Variants in UGT1A8 observed in about 807,000 individuals in gnomAD.
UGT1A8 encodes UDP glucuronosyltransferase family 1 member A8.
In UGT1A8, 39 loss-of-function variants were observed where a neutral mutation model predicts 45.3. The ratio of observed to expected loss-of-function variants is 0.86; its 90% CI spans 0.67 to 1.12. The LOEUF is 1.12. Ranked by LOEUF, UGT1A8 falls within the 50% of genes most tolerant of loss-of-function variation. The probability of loss-of-function intolerance (pLI) is 0.00; values close to 1 mark genes in which losing one functional copy is unlikely to be tolerated. For missense variants in UGT1A8, 719 were observed against 664.9 expected (o/e 1.08, Z -0.90); for synonymous variants, 275 against 249.2 (o/e 1.10, Z -0.97).
chr2:233,764,438 T>C (rs1160972363), intron 1 of UGT1A8, among the ~76,000 whole-genome samples: 2 of 152,224 alleles, frequency 1.3e-5, no homozygotes, highest in Non-Finnish European at 2.9e-5. Context: ...GATGAACTTT[T>C]GTGCCATTTA....
At chr2:233,668,947 G>T (rs1188654239) in intron 1 of UGT1A8, among the ~76,000 whole-genome samples, 1 of 152,206 alleles carries the variant, frequency 6.6e-6, no homozygotes, top group African/African-American at 2.4e-5. Context: ...GAGCAATTCT[G>T]GTGAGGTATT....
At position 233,638,796 on chromosome 2, in the gene UGT1A8, T is replaced by C. The variant is rs28969687; in HGVS notation, c.855+20234T>C. Among the ~76,000 whole-genome samples, 479 of 152,332 alleles carry C rather than the reference T, an allele frequency of 3.1e-3. 3 individuals are homozygous for C. The highest frequency in any genetic ancestry group is 0.011 in the African/African-American group (454 of 41,574). On this transcript the variant is annotated intron_variant, in intron 1 of 4. Coordinates refer to ENST00000373450, the MANE Select transcript of UGT1A8 (RefSeq NM_019076.5). Reference sequence around the variant, plus strand: ...AAAGAGTGACCGTTCAGCCATCTCATAGGAAAGTGAAATAATGCTCTTTCT... The same window carrying C: ...AAAGAGTGACCGTTCAGCCATCTCACAGGAAAGTGAAATAATGCTCTTTCT...
At chr2:233,742,666 A>G (rs1212391572) in intron 1 of UGT1A8, 1 of 152,150 alleles carries the variant, frequency 6.6e-6, no homozygotes, top group African/African-American at 2.4e-5. Context: ...TGTAACCCCA[A>G]GGTTTGTCCT....
intron 1 of UGT1A8, among the ~76,000 whole-genome samples, chr2:233,662,961 A>G (rs1289384367): frequency 2.0e-5 from 3 of 151,862 alleles, no homozygotes; most frequent in Non-Finnish European, 2.9e-5. Context: ...TATTTATTTT[A>G]TCATTAATTA....
At position 233,769,446 on chromosome 2, in the gene UGT1A8, C is replaced by T. The variant is rs1239046634; in HGVS notation, c.1295+1007C>T. 4 of 1,588,334 alleles carry T rather than the reference C, an allele frequency of 2.5e-6. No homozygotes were observed. The highest frequency in any genetic ancestry group is 3.4e-6 in the Non-Finnish European group (4 of 1,161,110). On this transcript the variant is annotated intron_variant, in intron 4 of 4. Coordinates refer to ENST00000373450, the MANE Select transcript of UGT1A8 (RefSeq NM_019076.5). This position sits in a 1 kb window ranked among gnomAD's most constrained non-coding sequence, Gnocchi z 4.4. ...GTGGCTGTGCTCATGTGTGGGTGCA[C>T]ACGTGTGCATTCATATGCGTGTGTG...
Position 233,638,136 on chromosome 2 carries a change from A to G in UGT1A8, c.855+19574A>G, listed in dbSNP as rs576008074. ...GTTTTCCTGAATTGAGAAGACTGGC[A>G]TCTTTTTGCTATTAAGTCTTCCTGT... On this transcript the variant is annotated intron_variant, in intron 1 of 4. Coordinates refer to ENST00000373450, the MANE Select transcript of UGT1A8 (RefSeq NM_019076.5). Among the ~76,000 whole-genome samples, 6 of 152,298 alleles carry G rather than the reference A, an allele frequency of 3.9e-5. No individual in the cohort carries two copies. The South Asian group carries it at 8.3e-4, about 21-fold the overall frequency.
chr2:233,719,330 G>GT, intron 1 of UGT1A8: 2 of 1,613,866 alleles, frequency 1.2e-6, no homozygotes, highest in Non-Finnish European at 8.5e-7. Context: ...TTCCTGCTGT[G>GT]TTTTTTTGGA....
chr2:233,702,653 G>A (rs746758622), intron 1 of UGT1A8, among the ~76,000 whole-genome samples: 35 of 152,040 alleles, frequency 2.3e-4, no homozygotes, highest in Non-Finnish European at 4.7e-4. Flanking sequence ...TTCCTAGCTC[G>A]TTGAGTATTC....
chr2:233,666,805 C>G (rs1018933602), intron 1 of UGT1A8, among the ~76,000 whole-genome samples: 1 of 140,608 alleles, frequency 7.1e-6, no homozygotes, highest in Admixed American at 7.2e-5. Flanking sequence ...CCCCCTCCCC[C>G]AATCCCACAA....
intron 1 of UGT1A8, chr2:233,718,043 G>A (rs1022101837): frequency 1.5e-4 from 57 of 375,810 alleles, no homozygotes; most frequent in Non-Finnish European, 6.8e-5. Context: ...GTGAGCAGGA[G>A]CTCCCTGAAC....
intron 1 of UGT1A8, among the ~76,000 whole-genome samples, chr2:233,738,716 A>T (rs1342041986): frequency 6.6e-6 from 1 of 152,244 alleles, no homozygotes; most frequent in Non-Finnish European, 1.5e-5. Flanking sequence ...AGAGCATAAA[A>T]GTTTGGAAAA....
Position 233,643,756 on chromosome 2 carries a change from A to G in UGT1A8, c.855+25194A>G, listed in dbSNP as rs577759169. On this transcript the variant is annotated intron_variant, in intron 1 of 4. Transcript: ENST00000373450. ...TTCAGGTTCCAAGGTCTCTTCAGTTAGCAGGCGATGAACGCTGGCAGGACT... is the reference window on the plus strand; with the variant it reads ...TTCAGGTTCCAAGGTCTCTTCAGTTGGCAGGCGATGAACGCTGGCAGGACT... Among the ~76,000 whole-genome samples, 41 of 152,268 alleles carry G rather than the reference A, an allele frequency of 2.7e-4. No individual in the cohort carries two copies. In the South Asian group the frequency reaches 7.7e-3, roughly 28 times the overall value.
chr2:233,728,302 T>C (rs2077696881), intron 1 of UGT1A8, among the ~76,000 whole-genome samples: 1 of 152,178 alleles, frequency 6.6e-6, no homozygotes, highest in Non-Finnish European at 1.5e-5. Context: ...ATTCAGACTG[T>C]GCAAGATCTG....
Position 233,757,535 on chromosome 2 carries a change from A to AATATATATATATATATATATATAT in UGT1A8, c.856-9496_856-9473dup, listed in dbSNP as rs67292694. On this transcript the variant is annotated intron_variant, in intron 1 of 4. Transcript: ENST00000373450. ...CAAAGCCAAAATCTTGCCTGTAAGG[A>AATATATATATATATATATATATAT]ATATATATATATATATATATATATA... Among the ~76,000 whole-genome samples the AATATATATATATATATATATATAT allele has an allele frequency of 1.4e-3, 127 of 88,238 alleles. 1 individual carries two copies. The highest frequency in any genetic ancestry group is 9.2e-3 in the East Asian group (33 of 3,584). The allele number at this position is 88,238 out of a possible 152,430, so 57.9% of individuals were successfully genotyped here.
Position 233,768,558 on chromosome 2 carries a change from T to C in UGT1A8, c.1295+119T>C. On this transcript the variant is annotated intron_variant, in intron 4 of 4. Transcript: ENST00000373450. ...TGTTTCAAATATAAAAACAAATACA[T>C]AAAAATCTGGATTTTTATTTCTTCT... 3.4e-6 allele frequency: 4 copies of C among 1,184,218 alleles called. No individual in the cohort carries two copies. In the South Asian group the frequency reaches 4.4e-5, roughly 13 times the overall value. The allele number at this position is 1,184,218 out of a possible 1,614,324, so 73.4% of individuals were successfully genotyped here.
chr2:233,767,172 A>G lies in UGT1A8; in HGVS notation c.987+7A>G, dbSNP rs375883067. On this transcript the variant is annotated splice_region_variant and intron_variant, in intron 2 of 4. Coordinates refer to ENST00000373450, the MANE Select transcript of UGT1A8 (RefSeq NM_019076.5). The stretch of plus-strand genomic sequence containing the variant: ...GGGCAAAATCCCTCAGACAGTAAGA[A>G]GATTCTATACCATGGCCTCATATCT... The G allele has an allele frequency of 1.2e-6, 2 of 1,614,098 alleles. No individual in the cohort carries two copies. The highest frequency in any genetic ancestry group is 3.3e-5 in the Admixed American group (2 of 60,024).
rs752420110 is a variant in UGT1A8, at chr2:233,767,943, T to C, written c.1075+7T>C. The C allele has an allele frequency of 3.2e-5, 51 of 1,614,076 alleles. No homozygotes were observed. The highest frequency in any genetic ancestry group is 1.6e-4 in the East Asian group (7 of 44,900). On this transcript the variant is annotated splice_region_variant and intron_variant, in intron 3 of 4. Transcript: ENST00000373450. ...CCCCAAAACGATCTGCTTGGTATGT[T>C]GGGCGGATTGGATGTATAGGTCAAA...
chr2:233,656,158 C>T (rs1353135936), intron 1 of UGT1A8, among the ~76,000 whole-genome samples: 1 of 152,196 alleles, frequency 6.6e-6, no homozygotes, highest in African/African-American at 2.4e-5. Flanking sequence ...CATCCTGACT[C>T]ATGCGTATTG....
chr2:233,760,809 A>G (rs1407366507), intron 1 of UGT1A8: 1 of 1,613,186 alleles, frequency 6.2e-7, no homozygotes, highest in South Asian at 1.1e-5. Flanking sequence ...TCTTGCATGC[A>G]CTGCCATGCA....
Sources: allele counts gnomAD v4.1 joint callset (sites outside exome capture counted in the v4.1 genomes callset), GRCh38; gene constraint gnomAD v4.1.1; non-coding constraint Gnocchi (gnomAD v3.1); transcripts MANE v1.5; gene names NCBI Gene and HGNC (gene_info 2026-07-23, HGNC 2026-07-21).